GPC5: variants seen among roughly 807,000 people sequenced by gnomAD.
The protein encoded by GPC5 is glypican 5.
Under a neutral mutation model 53.9 loss-of-function variants are expected in GPC5, and 47 were observed. The observed-to-expected ratio is 0.87, with a 90% confidence interval of 0.69 to 1.11. The LOEUF is 1.11. GPC5 is among the 50% of genes most tolerant of loss of function. The probability of loss-of-function intolerance (pLI) is 0.00; values close to 1 mark genes in which losing one functional copy is unlikely to be tolerated. For missense variants in GPC5, 748 were observed against 713.1 expected (o/e 1.05, Z -0.56); for synonymous variants, 286 against 263.3 (o/e 1.09, Z -0.84).
intron 7 of GPC5, among the ~76,000 whole-genome samples, chr13:92,850,070 C>T (rs763143536): frequency 2.6e-5 from 4 of 152,158 alleles, no homozygotes; most frequent in Non-Finnish European, 4.4e-5. Context: ...TCAGACACAC[C>T]TAATTGTATT....
intron 6 of GPC5, among the ~76,000 whole-genome samples, chr13:91,981,039 T>C (rs886856099): frequency 2.6e-5 from 4 of 152,240 alleles, no homozygotes; most frequent in Non-Finnish European, 4.4e-5. Flanking sequence ...TGTGGGTCTA[T>C]TATGAATCGT....
chr13:91,785,918 C>A (rs906893759), intron 5 of GPC5, among the ~76,000 whole-genome samples: 5 of 152,180 alleles, frequency 3.3e-5, no homozygotes, highest in African/African-American at 4.8e-5. Context: ...CTTGCTCCTC[C>A]CCCTGCCCTG....
intron 7 of GPC5, among the ~76,000 whole-genome samples, chr13:92,397,901 G>A (rs1875359975): frequency 1.3e-5 from 2 of 151,996 alleles, no homozygotes; most frequent in South Asian, 2.1e-4. Context: ...ACCATAATAG[G>A]TACTTGATAA....
intron 7 of GPC5, among the ~76,000 whole-genome samples, chr13:92,520,000 C>T (rs1014171514): frequency 4.2e-4 from 64 of 152,160 alleles, no homozygotes; most frequent in African/African-American, 1.5e-3. Flanking sequence ...ACTATAAACA[C>T]CTCTATGTAA....
At position 92,734,805 on chromosome 13, in the gene GPC5, A is replaced by T. The variant is rs1455604260; in HGVS notation, c.1562-131477A>T. Among the ~76,000 whole-genome samples, 8 of 152,058 alleles carry T rather than the reference A, an allele frequency of 5.3e-5. No individual in the cohort carries two copies. In the East Asian group the frequency reaches 1.4e-3, roughly 26 times the overall value. ...TTCCTAAAATCTTCCACAGAAAAAG[A>T]TCCACAACACTTCGATTCCAACACA... On this transcript the variant is annotated intron_variant, in intron 7 of 7. Transcript: ENST00000377067.
chr13:92,022,713 A>C (rs2040769196), intron 6 of GPC5, among the ~76,000 whole-genome samples: 1 of 152,052 alleles, frequency 6.6e-6, no homozygotes, highest in Admixed American at 6.6e-5. Flanking sequence ...AATTTTCAAA[A>C]TCAGCCCCAA....
Position 92,403,962 on chromosome 13 carries a change from AATT to A in GPC5, c.1561+258983_1561+258985del, listed in dbSNP as rs533262252. Among the ~76,000 whole-genome samples the A allele has an allele frequency of 7.9e-5, 12 of 151,990 alleles. No homozygotes were observed. In the South Asian group the frequency reaches 8.3e-4, roughly 11 times the overall value. On this transcript the variant is annotated intron_variant, in intron 7 of 7. Transcript: ENST00000377067. ...TCTTTTAAAAATAAAAGGTATTTGA[AATT>A]ATTATTATTTTGTTTGTCAAAAACA...
intron 7 of GPC5, among the ~76,000 whole-genome samples, chr13:92,443,385 CACTGTGGAT>C (rs1287566068): frequency 2.0e-5 from 3 of 152,212 alleles, no homozygotes; most frequent in African/African-American, 7.2e-5. Flanking sequence ...TCCAGATGAA[CACTGTGGAT>C]TACAACATTC....
At chr13:91,964,361 T>A (rs1270329619) in intron 6 of GPC5, among the ~76,000 whole-genome samples, 1 of 152,196 alleles carries the variant, frequency 6.6e-6, no homozygotes, top group Non-Finnish European at 1.5e-5. Context: ...CACATCCTGC[T>A]GATTGGTCCA....
intron 6 of GPC5, among the ~76,000 whole-genome samples, chr13:91,977,080 AT>A: frequency 1.3e-5 from 2 of 151,750 alleles, no homozygotes. Flanking sequence ...AAATAAATAA[AT>A]AAAATAACCA....
chr13:91,721,390 C>G (rs1012979879), intron 3 of GPC5, among the ~76,000 whole-genome samples: 6 of 152,174 alleles, frequency 3.9e-5, no homozygotes, highest in African/African-American at 1.4e-4. Context: ...CTGCCTCAGC[C>G]TCCCAAAGTG....
chr13:91,871,949 C>A (rs1383141855), intron 5 of GPC5, among the ~76,000 whole-genome samples: 1 of 151,874 alleles, frequency 6.6e-6, no homozygotes, highest in Non-Finnish European at 1.5e-5. Flanking sequence ...CATAGGTCAC[C>A]GAAGGCAAAA....
At chr13:91,876,067 T>A (rs2039198559) in intron 5 of GPC5, among the ~76,000 whole-genome samples, 1 of 152,192 alleles carries the variant, frequency 6.6e-6, no homozygotes, top group Non-Finnish European at 1.5e-5. Context: ...CACTTTTGCT[T>A]CTTTTCTCAT....
intron 7 of GPC5, among the ~76,000 whole-genome samples, chr13:92,545,629 G>T (rs1218572347): frequency 6.6e-6 from 1 of 152,144 alleles, no homozygotes; most frequent in African/African-American, 2.4e-5. Context: ...GTGTGAGACG[G>T]TATCTCATTG....
chr13:92,704,919 A>G (rs1050185090), intron 7 of GPC5, among the ~76,000 whole-genome samples: 7 of 112,312 alleles, frequency 6.2e-5, no homozygotes, highest in Non-Finnish European at 1.1e-4. Flanking sequence ...ATACACTTAT[A>G]TGGATATATA....
chr13:92,857,266 T>C (rs913661843), intron 7 of GPC5, among the ~76,000 whole-genome samples: 4 of 152,170 alleles, frequency 2.6e-5, no homozygotes, highest in Non-Finnish European at 4.4e-5. Context: ...GCTAACCATA[T>C]ACAGAAGAAT....
At chr13:92,429,576 A>G (rs547304106) in intron 7 of GPC5, among the ~76,000 whole-genome samples, 1 of 151,966 alleles carries the variant, frequency 6.6e-6, no homozygotes, top group Admixed American at 6.6e-5. Flanking sequence ...AACCTGCCAA[A>G]TCATTGCTTC....
chr13:92,354,585 C>T (rs1475121746), intron 7 of GPC5, among the ~76,000 whole-genome samples: 6 of 152,066 alleles, frequency 3.9e-5, no homozygotes, highest in Non-Finnish European at 5.9e-5. Flanking sequence ...TTTCTAATGG[C>T]TAGAGCAAGA....
At chr13:91,744,034 A>G (rs1035298069) in intron 4 of GPC5, among the ~76,000 whole-genome samples, 2 of 1,424 alleles carry the variant, frequency 1.4e-3, no homozygotes, top group African/African-American at 7.9e-3. Context: ...CTTGTTATAT[A>G]AGGAACACTA....
Sources: allele counts gnomAD v4.1 joint callset (sites outside exome capture counted in the v4.1 genomes callset), GRCh38; gene constraint gnomAD v4.1.1; transcripts MANE v1.5; gene names NCBI Gene and HGNC (gene_info 2026-07-23, HGNC 2026-07-21).